Variants in NMB observed in about 807,000 individuals in gnomAD.
NMB encodes the protein neuromedin-B.
In NMB, 12 loss-of-function variants were observed where a neutral mutation model predicts 11.7. The observed-to-expected ratio is 1.03, with a 90% CI of 0.66 to 1.66. The LOEUF (loss-of-function observed/expected upper bound fraction) is 1.66. Among genes scored for constraint, NMB ranks in the 40% most tolerant of loss-of-function variants. The pLI is 0.00. For synonymous variants in NMB, 76 were observed against 72.6 expected (o/e 1.05, Z -0.24); for missense variants, 174 against 157.9 (o/e 1.10, Z -0.55).
At position 84,658,162 on chromosome 15, in the gene NMB, C is replaced by T. The variant is rs778209590; in HGVS notation, c.-10G>A. On this transcript the variant is annotated 5_prime_UTR_variant, in exon 1 of 3. Transcript: ENST00000360476. The stretch of plus-strand genomic sequence containing the variant: ...CCGCCCGCCGGGCCATGGCTGTGCC[C>T]GGGCCGCGGCTTCGTTCGGGCGCGC... 6 of 1,448,460 alleles carry T rather than the reference C, an allele frequency of 4.1e-6. No individual in the cohort carries two copies. The highest frequency in any genetic ancestry group is 4.5e-6 in the Non-Finnish European group (5 of 1,114,244). 89.7% of individuals were successfully genotyped at this position (1,448,460 alleles called of 1,614,324 possible). A position where few individuals can be genotyped will look rare whatever the true frequency, so the allele number is the denominator to read the frequency against.
rs762907713 is a variant in NMB at position 84,658,001 on chromosome 15, G to A, written c.152C>T (p.Ala51Val). Residue 51 changes from alanine (A) to valine (V), a missense_variant, in exon 1 of 3, where the codon GCC (alanine) becomes GTC (valine). Ala to Val is a moderately conservative substitution (Grantham distance 64). Around this residue, in one of 2 missense-constraint regions of NMB, gnomAD observed 168 missense variants for 138.4 expected, o/e 1.21. Transcript: ENST00000360476. ...IRVHSRGNLW[A>V]TGHFMGKKSL... ...CTCCGTCCCCAAAGACTTACCGGTGGCCCAGAGGTTGCCTCGCGAGTGCAC... is the reference window on the plus strand; with the variant it reads ...CTCCGTCCCCAAAGACTTACCGGTGACCCAGAGGTTGCCTCGCGAGTGCAC... 11 of 1,591,696 alleles carry A rather than the reference G, an allele frequency of 6.9e-6. No individual in the cohort carries two copies. The highest frequency in any genetic ancestry group is 9.4e-6 in the Non-Finnish European group (11 of 1,170,508).
intron 1 of NMB, among the ~76,000 whole-genome samples, chr15:84,657,773 T>G (rs1896803759): frequency 6.6e-6 from 1 of 152,122 alleles, no homozygotes; most frequent in Non-Finnish European, 1.5e-5. Context: ...GCAGTGGGAT[T>G]TAGGATCTAG....
chr15:84,656,966 G>A (rs1446976769), intron 2 of NMB, among the ~76,000 whole-genome samples: 1 of 152,206 alleles, frequency 6.6e-6, no homozygotes. Flanking sequence ...CTACTGGGAA[G>A]GTCAGCTTCC....
Position 84,658,113 on chromosome 15 carries a change from G to C in NMB, c.40C>G (p.Leu14Val). Residue 14 changes from leucine (L) to valine (V), a missense_variant, in exon 1 of 3, where the codon CTC (leucine) becomes GTC (valine). By Grantham distance (32) the Leu-to-Val change is conservative. Transcript: ENST00000360476. Reference protein sequence around the residue: ...RAGGARMFGSLLLFALLAAGV... With the variant: ...RAGGARMFGSVLLFALLAAGV... ...GCAGCGAGCAGGGCGAAGAGCAGGA[G>C]GCTGCCGAACATCCGAGCGCCCCCC... The C allele has an allele frequency of 6.4e-7, 1 of 1,554,248 alleles. No individual in the cohort carries two copies. The highest frequency in any genetic ancestry group is 8.6e-7 in the Non-Finnish European group (1 of 1,158,518).
chr15:84,655,166 C>A lies in NMB; in HGVS notation c.*208G>T. On this transcript the variant is annotated 3_prime_UTR_variant, in exon 3 of 3. Coordinates refer to ENST00000360476, the MANE Select transcript of NMB (RefSeq NM_021077.4). ...AGCAAGGTTTTATTCACCAATTCAA[C>A]AGGGAAGCAGGAAATACAGCAGGAA... 7.4e-7 allele frequency: 1 copy of A among 1,350,814 alleles called. No individual in the cohort carries two copies. The highest frequency in any genetic ancestry group is 1.4e-5 in the South Asian group (1 of 71,396). The allele number at this position is 1,350,814 out of a possible 1,614,324, so 83.7% of individuals were successfully genotyped here.
chr15:84,657,125 G>T, intron 2 of NMB, 51 bp downstream of exon 2: 4 of 1,553,188 alleles, frequency 2.6e-6, no homozygotes, highest in South Asian at 1.2e-5. Context: ...GCAGGATCCG[G>T]GGATGGCCCC....
intron 1 of NMB, 97 bp from the exon 2 acceptor site, chr15:84,657,445 C>T: frequency 1.7e-6 from 2 of 1,170,344 alleles, no homozygotes; most frequent in African/African-American, 1.6e-5. Context: ...GTTCTTGTAG[C>T]GGGAAGACAC....
chr15:84,657,271 C>A lies in NMB; in HGVS notation c.235G>T (p.Asp79Tyr), dbSNP rs780229663. The change falls in exon 2 of 3, where the codon GAC becomes TAC. Residue 79 changes from aspartate (D) to tyrosine (Y), a missense_variant. By Grantham distance (160) the Asp-to-Tyr change is radical. This residue lies in a region of NMB where 168 missense variants were observed against 138.4 expected (regional missense o/e 1.21). Coordinates refer to ENST00000360476, the MANE Select transcript of NMB (RefSeq NM_021077.4). ...LGTAPHTSLR[D>Y]QRLQLSHDLL... is the part of the protein sequence containing the mutation. ...TCATGACTCAGCTGCAGTCGCTGGT[C>A]CCTCAGGGAGGTGTGGGGAGCTGTC... 1.2e-6 allele frequency: 2 copies of A among 1,607,000 alleles called. No individual in the cohort carries two copies. Among genetic ancestry groups the A allele is most frequent in the Admixed American group, 1.7e-5 (1 of 58,984 alleles).
At chr15:84,657,515 G>A (rs1896799971) in intron 1 of NMB, among the ~76,000 whole-genome samples, 167 bp from the exon 2 acceptor site, 1 of 152,224 alleles carries the variant, frequency 6.6e-6, no homozygotes, top group African/African-American at 2.4e-5. Flanking sequence ...TGTCTGGGTG[G>A]TGGCAAAGCC....
Position 84,657,217 on chromosome 15 carries a change from C to A in NMB, c.289G>T (p.Ala97Ser), listed in dbSNP as rs1446906420. ...DLLGILLLKKALGVSLSRPAP... is the reference protein window; with the variant it reads ...DLLGILLLKKSLGVSLSRPAP... ...GGGCGGCTGAGGCTCACGCCCAGAG[C>A]CTTCTTTAGCAGGAGGATTCCGAGC... Residue 97 changes from alanine to serine, a missense_variant, in exon 2 of 3, where the codon GCT becomes TCT. Ala to Ser is a moderately conservative substitution (Grantham distance 99). Coordinates refer to ENST00000360476, the MANE Select transcript of NMB (RefSeq NM_021077.4). The A allele has an allele frequency of 6.2e-7, 1 of 1,612,422 alleles. No homozygotes were observed. Among genetic ancestry groups the A allele is most frequent in the East Asian group, 2.2e-5 (1 of 44,800 alleles).
chr15:84,656,453 C>T (rs1896783840), intron 2 of NMB, among the ~76,000 whole-genome samples: 1 of 150,928 alleles, frequency 6.6e-6, no homozygotes, highest in Non-Finnish European at 1.5e-5. Context: ...GGGGCCCTCT[C>T]CCCCAGCAGA....
In NMB at chr15:84,658,003, C is replaced by T; in HGVS notation, c.150G>A (p.Trp50Ter). Reference protein sequence around the residue: ...KIRVHSRGNLWATGHFMGKKS... With the variant: ...KIRVHSRGNL ...CCGTCCCCAAAGACTTACCGGTGGC[C>T]CAGAGGTTGCCTCGCGAGTGCACTC... Residue 50 changes from tryptophan to a stop codon, truncating the protein, a stop_gained, in exon 1 of 3, where the codon TGG becomes TGA. Transcript: ENST00000360476. LOFTEE classifies it high-confidence loss of function. 1 of 1,591,730 alleles carries T rather than the reference C, an allele frequency of 6.3e-7. No individual in the cohort carries two copies. The highest frequency in any genetic ancestry group is 1.7e-5 in the Admixed American group (1 of 58,246).
In NMB at chr15:84,655,290, G is replaced by C. The variant is rs1804012; in HGVS notation, c.*84C>G. On this transcript the variant is annotated 3_prime_UTR_variant, in exon 3 of 3. Coordinates refer to ENST00000360476, the MANE Select transcript of NMB (RefSeq NM_021077.4). ...TGAGCTCAGGATTTACATCCAGATG[G>C]GGCCATCAACAGGGTCCCATTCAGC... The C allele has an allele frequency of 1.2e-6, 2 of 1,610,052 alleles. No homozygotes were observed. Among genetic ancestry groups the C allele is most frequent in the East Asian group, 2.2e-5 (1 of 44,798 alleles).
chr15:84,658,047 T>G lies in NMB; in HGVS notation c.106A>C (p.Ser36Arg). 6.3e-7 allele frequency: 1 copy of G among 1,595,252 alleles called. No individual in the cohort carries two copies. The highest frequency in any genetic ancestry group is 8.5e-7 in the Non-Finnish European group (1 of 1,172,752). ...PLSWDLPEPR[S>R]RASKIRVHSR... is the part of the protein sequence containing the mutation. ...TGCACTCGGATCTTGCTGGCTCGGC[T>G]GCGGGGCTCCGGGAGATCCCAGCTG... Residue 36 changes from serine (S) to arginine (R), a missense_variant, in exon 1 of 3, where the codon AGC (serine) becomes CGC (arginine). Around this residue, in one of 2 missense-constraint regions of NMB, gnomAD observed 168 missense variants for 138.4 expected, o/e 1.21. Coordinates refer to ENST00000360476, the MANE Select transcript of NMB (RefSeq NM_021077.4).
chr15:84,657,164 G>T lies in NMB; in HGVS notation c.330+12C>A. ...TGGGCCCTCCTGACATTGGAGCAGG[G>T]GCCCGGCTCACCTGGATTTGGGGTG... On this transcript the variant is annotated intron_variant, in intron 2 of 2. Transcript: ENST00000360476. 6.2e-7 allele frequency: 1 copy of T among 1,605,522 alleles called. No individual in the cohort carries two copies. Among genetic ancestry groups the T allele is most frequent in the Non-Finnish European group, 8.5e-7 (1 of 1,177,722 alleles).
Position 84,655,328 on chromosome 15 carries a change from T to A in NMB, c.*46A>T. On this transcript the variant is annotated 3_prime_UTR_variant, in exon 3 of 3. Transcript: ENST00000360476. Reference sequence around the variant, plus strand: ...GGTCCCATTCAGCACCTTCCCTGGGTGGGCACAATCTAAGCCACGCTGTTG... The same window carrying A: ...GGTCCCATTCAGCACCTTCCCTGGGAGGGCACAATCTAAGCCACGCTGTTG... 6.2e-7 allele frequency: 1 copy of A among 1,614,130 alleles called. No homozygotes were observed. The highest frequency in any genetic ancestry group is 8.5e-7 in the Non-Finnish European group (1 of 1,179,986).
intron 1 of NMB, 66 bp from the exon 2 acceptor site, chr15:84,657,414 C>T (rs1896798073): frequency 2.2e-6 from 3 of 1,346,096 alleles, no homozygotes; most frequent in South Asian, 1.7e-5. Context: ...AGGAAAAGTT[C>T]CTCATCTCTC....
In NMB at chr15:84,658,163, G is replaced by T. The variant is rs747483012; in HGVS notation, c.-11C>A. ...CGCCCGCCGGGCCATGGCTGTGCCC[G>T]GGCCGCGGCTTCGTTCGGGCGCGCT... On this transcript the variant is annotated 5_prime_UTR_variant, in exon 1 of 3. Transcript: ENST00000360476. The T allele has an allele frequency of 6.9e-7, 1 of 1,447,728 alleles. No homozygotes were observed. Among genetic ancestry groups the T allele is most frequent in the Non-Finnish European group, 9.0e-7 (1 of 1,113,864 alleles). 89.7% of individuals were successfully genotyped at this position (1,447,728 alleles called of 1,614,324 possible).
At chr15:84,657,150 G>A in intron 2 of NMB, 26 bp downstream of exon 2, 1 of 1,599,410 alleles carries the variant, frequency 6.3e-7, no homozygotes, top group African/African-American at 1.3e-5. Context: ...GGGCCCTCCT[G>A]ACATTGGAGC....
Sources: allele counts gnomAD v4.1 joint callset (sites outside exome capture counted in the v4.1 genomes callset), GRCh38; gene constraint gnomAD v4.1.1; regional missense constraint gnomAD v4.1.1; transcripts MANE v1.5; gene names NCBI Gene and HGNC (gene_info 2026-07-23, HGNC 2026-07-21).